Variants in MYO16 observed in about 807,000 individuals in gnomAD.
MYO16 encodes the protein unconventional myosin-XVI.
Under a neutral mutation model 205.3 loss-of-function variants are expected in MYO16, and 94 were observed. The ratio of observed to expected loss-of-function variants is 0.46; its 90% confidence interval spans 0.39 to 0.54. The LOEUF (loss-of-function observed/expected upper bound fraction) is 0.54. Among genes scored for constraint, MYO16 ranks in the 20% least tolerant of loss-of-function variants. The probability of loss-of-function intolerance (pLI) is 0.00; values close to 1 mark genes in which losing one functional copy is unlikely to be tolerated. For synonymous variants in MYO16, 988 were observed against 954.0 expected (o/e 1.04, Z -0.66); for missense variants, 2,315 against 2,387.5 (o/e 0.97, Z 0.63).
At chr13:108,806,218 C>T (rs1887109255) in intron 6 of MYO16, among the ~76,000 whole-genome samples, 3 of 152,262 alleles carry the variant, frequency 2.0e-5, no homozygotes, top group South Asian at 4.1e-4. Flanking sequence ...TGTTTCTGTG[C>T]CTTTTACACA....
Position 108,888,361 on chromosome 13 carries a change from G to A in MYO16, c.1554-11G>A, listed in dbSNP as rs1432749811. 2 of 1,563,078 alleles carry A rather than the reference G, an allele frequency of 1.3e-6. No homozygotes were observed. The highest frequency in any genetic ancestry group is 2.8e-5 in the African/African-American group (2 of 72,476). The stretch of plus-strand genomic sequence containing the variant: ...CTTCAAACTTATGTTTTTCCTCTCT[G>A]TTTTCCTTAGTGGAGAAAGGGGATC... On this transcript the variant is annotated splice_polypyrimidine_tract_variant and intron_variant, in intron 13 of 34. Transcript: ENST00000457511.
At chr13:108,602,814 GC>G (rs1878814095) in intron 1 of MYO16, among the ~76,000 whole-genome samples, 1 of 152,120 alleles carries the variant, frequency 6.6e-6, no homozygotes, top group East Asian at 1.9e-4. Flanking sequence ...TACTCCTGCA[GC>G]TTTCTCTTAT....
the MYO16 span, among the ~76,000 whole-genome samples, chr13:108,582,203 T>C: frequency 6.6e-6 from 1 of 152,188 alleles, no homozygotes; most frequent in Non-Finnish European, 1.5e-5. Flanking sequence ...TCTTGACCGT[T>C]TGTGACTGTT....
upstream of MYO16, among the ~76,000 whole-genome samples, chr13:108,592,182 G>A (rs1201910314): frequency 4.8e-5 from 5 of 104,862 alleles, no homozygotes. Context: ...GGGTGTGTGG[G>A]GTATGGAGGG....
intron 7 of MYO16, among the ~76,000 whole-genome samples, chr13:108,812,897 G>A (rs898488332): frequency 6.6e-5 from 10 of 152,156 alleles, no homozygotes; most frequent in African/African-American, 2.4e-4. Context: ...CATCTTGAAA[G>A]AAGAGAGACT....
At chr13:108,881,452 G>A (rs929472618) in intron 12 of MYO16, among the ~76,000 whole-genome samples, 2 of 152,218 alleles carry the variant, frequency 1.3e-5, no homozygotes, top group African/African-American at 4.8e-5. Flanking sequence ...ACTTTGACGA[G>A]TTGAGAGAAG....
intron 4 of MYO16, among the ~76,000 whole-genome samples, chr13:108,750,453 T>A (rs1885195483): frequency 6.6e-6 from 1 of 151,938 alleles, no homozygotes; most frequent in Admixed American, 6.6e-5. Context: ...AACCACAAAG[T>A]TACTTCTGGT....
At chr13:108,871,919 T>C (rs1415907724) in intron 12 of MYO16, among the ~76,000 whole-genome samples, 1 of 152,216 alleles carries the variant, frequency 6.6e-6, no homozygotes, top group African/African-American at 2.4e-5. Context: ...TTTTATCCAG[T>C]CTTTGTAATT....
At chr13:108,714,178 C>G (rs1883837773) in intron 3 of MYO16, among the ~76,000 whole-genome samples, 1 of 152,154 alleles carries the variant, frequency 6.6e-6, no homozygotes, top group South Asian at 2.1e-4. Flanking sequence ...GCCTCAGCCG[C>G]CTGAGTAGCT....
intron 4 of MYO16, among the ~76,000 whole-genome samples, chr13:108,782,934 T>G (rs1373716233): frequency 6.6e-6 from 1 of 152,196 alleles, no homozygotes. Context: ...AAGCAAAAGT[T>G]TGCTGCAGGG....
At chr13:108,624,277 T>A (rs1218072631) in intron 1 of MYO16, among the ~76,000 whole-genome samples, 1 of 152,194 alleles carries the variant, frequency 6.6e-6, no homozygotes, top group Non-Finnish European at 1.5e-5. Context: ...CTGTCTTATT[T>A]AGGCCAACAG....
intron 19 of MYO16, among the ~76,000 whole-genome samples, chr13:108,963,921 G>A (rs1883687456): frequency 6.6e-6 from 1 of 152,078 alleles, no homozygotes; most frequent in Non-Finnish European, 1.5e-5. Context: ...CCTTCCCCTT[G>A]TGTTGTTCCA....
intron 24 of MYO16, among the ~76,000 whole-genome samples, chr13:109,050,878 T>A (rs1187901469): frequency 3.3e-5 from 5 of 151,860 alleles, no homozygotes; most frequent in African/African-American, 1.2e-4. Context: ...TTTTTTTTTT[T>A]AACACTGCCT....
At chr13:109,158,043 G>C (rs990120931) in intron 32 of MYO16, among the ~76,000 whole-genome samples, 2 of 152,152 alleles carry the variant, frequency 1.3e-5, no homozygotes, top group African/African-American at 4.8e-5. Flanking sequence ...AATCAGTGGA[G>C]AGCTCCCTAG....
At chr13:108,755,738 A>G (rs1371829582) in intron 4 of MYO16, among the ~76,000 whole-genome samples, 2 of 152,172 alleles carry the variant, frequency 1.3e-5, no homozygotes, top group Admixed American at 6.6e-5. Flanking sequence ...ATGATTGCCA[A>G]CATATTTTTA....
intron 27 of MYO16, among the ~76,000 whole-genome samples, chr13:109,093,697 C>G (rs1171192335): frequency 1.3e-5 from 2 of 152,104 alleles, no homozygotes; most frequent in African/African-American, 2.4e-5. Context: ...CCAGAAAATC[C>G]GGCTGGGCCT....
chr13:108,783,255 A>G (rs867609696), intron 4 of MYO16, among the ~76,000 whole-genome samples: 1 of 152,318 alleles, frequency 6.6e-6, no homozygotes. Context: ...GACTTGGAGT[A>G]AAAGGAGATC....
chr13:108,716,104 A>G (rs1010585936), intron 3 of MYO16, among the ~76,000 whole-genome samples: 3 of 152,234 alleles, frequency 2.0e-5, no homozygotes, highest in Non-Finnish European at 4.4e-5. Flanking sequence ...CTGAAATCTC[A>G]AAAACTGTGG....
intron 23 of MYO16, among the ~76,000 whole-genome samples, chr13:109,045,742 A>C (rs1224338313): frequency 6.6e-6 from 1 of 152,220 alleles, no homozygotes; most frequent in Non-Finnish European, 1.5e-5. Flanking sequence ...AAGTTGCATC[A>C]GGGATCACCC....
Sources: allele counts gnomAD v4.1 joint callset (sites outside exome capture counted in the v4.1 genomes callset), GRCh38; gene constraint gnomAD v4.1.1; transcripts MANE v1.5; gene names NCBI Gene and HGNC (gene_info 2026-07-23, HGNC 2026-07-21).